The following BIN3 variants were observed in gnomAD, a reference collection of about 807,000 sequenced individuals.
BIN3 encodes the protein bridging integrator 3.
BIN3 carries 41 observed loss-of-function variants against 38.2 expected under a neutral mutation model. The observed-to-expected ratio is 1.07, with a 90% CI of 0.84 to 1.39. BIN3 has a LOEUF of 1.39. Among genes scored for constraint, BIN3 ranks in the 40% most tolerant of loss-of-function variants. The pLI, the probability that BIN3 is intolerant of heterozygous loss-of-function variation, is 0.00. For missense variants in BIN3, 361 were observed against 324.3 expected (o/e 1.11, Z -0.87); for synonymous variants, 145 against 122.6 (o/e 1.18, Z -1.21).
At chr8:22,631,637 T>A (rs988015137) in intron 4 of BIN3, among the ~76,000 whole-genome samples, 5 of 152,236 alleles carry the variant, frequency 3.3e-5, no homozygotes, top group African/African-American at 1.2e-4. Context: ...GCTCTCCTTC[T>A]GATCTGGCCT....
rs371543413 is a variant in BIN3, at chr8:22,624,250, G to A, written c.452C>T (p.Thr151Met). ...GTGGAGCTTGGCCAGCACTGGCCCC[G>A]TCTTCTCCTTTTCCTCATACTTCTC... ...KVEKYEEKEKTGPVLAKLHQA... is the reference protein window; with the variant it reads ...KVEKYEEKEKMGPVLAKLHQA... The change falls in exon 7 of 9, where the codon ACG (threonine) becomes ATG (methionine). Residue 151 changes from threonine (T) to methionine (M), a missense_variant. Thr to Met is a moderately conservative substitution (Grantham distance 81). Coordinates refer to ENST00000276416, the MANE Select transcript of BIN3 (RefSeq NM_018688.6). The A allele has an allele frequency of 5.1e-5, 82 of 1,613,752 alleles. No individual in the cohort carries two copies. The highest frequency in any genetic ancestry group is 6.3e-5 in the Non-Finnish European group (74 of 1,179,868).
chr8:22,639,572 C>T (rs1317375836), intron 2 of BIN3, among the ~76,000 whole-genome samples: 2 of 152,182 alleles, frequency 1.3e-5, no homozygotes, highest in African/African-American at 4.8e-5. Flanking sequence ...ATATCATCTA[C>T]CCCAGTGGTT....
intron 2 of BIN3, among the ~76,000 whole-genome samples, chr8:22,643,701 T>C (rs770727475): frequency 1.3e-5 from 2 of 152,238 alleles, no homozygotes; most frequent in African/African-American, 2.4e-5. Flanking sequence ...GCCAAACTTC[T>C]CACCACACTG....
rs998699597 is a variant in BIN3 at position 22,621,221 on chromosome 8, G to A, written c.*201C>T. ...AAGGGTTTGTCTACACTGCTTACCT[G>A]CTGGGGCTGTGAGTGGGGAGACGGC... On this transcript the variant is annotated 3_prime_UTR_variant, in exon 9 of 9. Transcript: ENST00000276416. The A allele has an allele frequency of 4.6e-6, 3 of 648,198 alleles. No homozygotes were observed. In the African/African-American group the frequency reaches 5.5e-5, roughly 12 times the overall value. 40.2% of individuals were successfully genotyped at this position (648,198 alleles called of 1,614,324 possible).
At chr8:22,629,884 A>G in intron 6 of BIN3, 80 bp downstream of exon 6, 1 of 1,363,108 alleles carries the variant, frequency 7.3e-7, no homozygotes, top group Non-Finnish European at 1.0e-6. Flanking sequence ...ACGCAGCTAG[A>G]AATCCTCTTC....
At position 22,631,995 on chromosome 8, in the gene BIN3, G is replaced by A. The variant is rs754954274; in HGVS notation, c.161-1417C>T. 1.9e-4 allele frequency among the ~76,000 whole-genome samples: 29 copies of A among 152,312 alleles called. No homozygotes were observed. The Middle Eastern group carries it at 0.01, about 54-fold the overall frequency. On this transcript the variant is annotated intron_variant, in intron 4 of 8. Coordinates refer to ENST00000276416, the MANE Select transcript of BIN3 (RefSeq NM_018688.6). The stretch of plus-strand genomic sequence containing the variant: ...CTGTACCAGTGTCAGAGTGCATCTG[G>A]GGCAGGTCTCAGGAGAGAAGACACA...
intron 1 of BIN3, among the ~76,000 whole-genome samples, chr8:22,653,761 G>A (rs1802970327): frequency 6.6e-6 from 1 of 152,138 alleles, no homozygotes; most frequent in Non-Finnish European, 1.5e-5. Context: ...CCACAACATA[G>A]GCATGCCTAG....
chr8:22,635,743 T>A (rs113746834), intron 4 of BIN3, among the ~76,000 whole-genome samples: 2,610 of 152,300 alleles, frequency 0.017, 70 homozygotes, highest in African/African-American at 0.058. Context: ...GCTGAAGCTA[T>A]TGATCAACCT....
intron 8 of BIN3, among the ~76,000 whole-genome samples, chr8:22,622,371 T>A (rs1167118379): frequency 6.6e-6 from 1 of 152,142 alleles, no homozygotes; most frequent in African/African-American, 2.4e-5. Flanking sequence ...AAATGCCAGG[T>A]GGGGCGGGGA....
intron 4 of BIN3, among the ~76,000 whole-genome samples, chr8:22,633,934 T>C (rs571842465): frequency 6.2e-4 from 95 of 152,202 alleles, no homozygotes; most frequent in East Asian, 1.9e-4. Context: ...CTGAGGACAG[T>C]AGTGTTAGGC....
At chr8:22,634,633 AC>A in intron 4 of BIN3, 1 of 430,256 alleles carries the variant, frequency 2.3e-6, no homozygotes, top group Non-Finnish European at 4.7e-6. Flanking sequence ...CTCAAGTCCC[AC>A]CCGTAGGTGC....
intron 1 of BIN3, among the ~76,000 whole-genome samples, chr8:22,647,541 A>C (rs1019967366): frequency 6.6e-6 from 1 of 152,230 alleles, no homozygotes; most frequent in African/African-American, 2.4e-5. Flanking sequence ...TGAATTTGTT[A>C]TAAGTATGTG....
chr8:22,633,807 C>T (rs745480562), intron 4 of BIN3, among the ~76,000 whole-genome samples: 4 of 152,280 alleles, frequency 2.6e-5, no homozygotes, highest in African/African-American at 4.8e-5. Context: ...ACAGCAAGCC[C>T]GCCTACAACA....
intron 1 of BIN3, among the ~76,000 whole-genome samples, chr8:22,655,759 C>T (rs956198408): frequency 2.0e-5 from 3 of 152,124 alleles, no homozygotes; most frequent in Non-Finnish European, 2.9e-5. Flanking sequence ...TGCATTTCCA[C>T]GTGAATTTTA....
chr8:22,655,965 T>C (rs1192130689), intron 1 of BIN3, among the ~76,000 whole-genome samples: 18 of 152,196 alleles, frequency 1.2e-4, no homozygotes, highest in Admixed American at 1.2e-3. Context: ...TGTATAAAAG[T>C]TCCTGATACT....
intron 8 of BIN3, among the ~76,000 whole-genome samples, chr8:22,623,703 C>G (rs1801915879): frequency 6.6e-6 from 1 of 152,206 alleles, no homozygotes; most frequent in African/African-American, 2.4e-5. Flanking sequence ...TGGGATTTAC[C>G]AGAGAGCAAT....
At chr8:22,621,658 T>A in intron 8 of BIN3, 90 bp from the exon 9 acceptor site, 3 of 1,341,046 alleles carry the variant, frequency 2.2e-6, no homozygotes, top group Non-Finnish European at 3.1e-6. Context: ...TGCTACCCCC[T>A]GCCCTTACCC....
chr8:22,652,741 C>T (rs192748632), intron 1 of BIN3, among the ~76,000 whole-genome samples: 16 of 152,100 alleles, frequency 1.1e-4, no homozygotes, highest in Admixed American at 4.6e-4. Flanking sequence ...AAAACAAATG[C>T]GAAGTTTTAA....
At position 22,624,261 on chromosome 8, in the gene BIN3, T is replaced by C. The variant is rs750723698; in HGVS notation, c.441A>G (p.Glu147=). 3 of 1,613,874 alleles carry C rather than the reference T, an allele frequency of 1.9e-6. No homozygotes were observed. The highest frequency in any genetic ancestry group is 2.7e-5 in the African/African-American group (2 of 74,948). Reference sequence around the variant, plus strand: ...CCAGCACTGGCCCCGTCTTCTCCTTTTCCTCATACTTCTCCACCTTGGCCT... The same window carrying C: ...CCAGCACTGGCCCCGTCTTCTCCTTCTCCTCATACTTCTCCACCTTGGCCT... The part of the protein sequence containing the change: ...RLQAKVEKYE[E]KEKTGPVLAK... Residue 147 remains glutamate (E), a synonymous_variant, in exon 7 of 9, where the codon GAA becomes GAG. Coordinates refer to ENST00000276416, the MANE Select transcript of BIN3 (RefSeq NM_018688.6).
Sources: allele counts gnomAD v4.1 joint callset (sites outside exome capture counted in the v4.1 genomes callset), GRCh38; gene constraint gnomAD v4.1.1; transcripts MANE v1.5; gene names NCBI Gene and HGNC (gene_info 2026-07-23, HGNC 2026-07-21).